LRRC4: variants seen among roughly 807,000 people sequenced by gnomAD.
LRRC4 encodes leucine rich repeat containing 4.
LRRC4 carries 11 observed loss-of-function variants against 37.9 expected under a neutral mutation model. The observed-to-expected ratio is 0.29, with a 90% CI of 0.18 to 0.48. The LOEUF (loss-of-function observed/expected upper bound fraction) is 0.48. Among genes scored for constraint, LRRC4 ranks in the 20% least tolerant of loss-of-function variants. The probability of loss-of-function intolerance (pLI) is 0.99; values close to 1 mark genes in which losing one functional copy is unlikely to be tolerated. For missense variants in LRRC4, 717 were observed against 842.1 expected, an observed-to-expected ratio of 0.85 and a Z score of 1.84; for synonymous variants, 404 against 346.7, an observed-to-expected ratio of 1.17 and a Z score of -1.84.
In LRRC4 at chr7:128,030,600, C is replaced by A; in HGVS notation, c.41G>T (p.Trp14Leu). 1 of 1,591,882 alleles carries A rather than the reference C, an allele frequency of 6.3e-7. No individual in the cohort carries two copies. Residue 14 changes from tryptophan to leucine, a missense_variant, in exon 2 of 2, where the codon TGG becomes TTG. This residue lies in a region of LRRC4 where 127 missense variants were observed against 134.8 expected (regional missense o/e 0.94). Transcript: ENST00000249363. ...LWQVTVHHHT[W>L]NAILLPFVYL... ...GACGAACGGGAGCAGGATGGCATTC[C>A]AGGTGTGGTGGTGCACAGTTACCTG...
At position 128,029,573 on chromosome 7, in the gene LRRC4, C is replaced by T. The variant is rs1199363389; in HGVS notation, c.1068G>A (p.Met356Ile). ...ASFQCSAPFI[M>I]DAPRDLNISE... ...AAATGTTGAGGTCTCGAGGTGCGTC[C>T]ATGATGAAGGGGGCAGAGCACTGGA... Residue 356 changes from methionine (M) to isoleucine (I), a missense_variant, in exon 2 of 2, where the codon ATG becomes ATA. By Grantham distance (10) the Met-to-Ile change is conservative. This residue lies in a region of LRRC4 where 293 missense variants were observed against 268.3 expected (regional missense o/e 1.09). Coordinates refer to ENST00000249363, the MANE Select transcript of LRRC4 (RefSeq NM_022143.5). The surrounding 1 kb of genome is among the most constrained non-coding windows in gnomAD (Gnocchi z 4.2). The T allele has an allele frequency of 1.2e-6, 2 of 1,614,004 alleles. No individual in the cohort carries two copies. The highest frequency in any genetic ancestry group is 2.2e-5 in the East Asian group (1 of 44,878).
Position 128,030,586 on chromosome 7 carries a change from G to T in LRRC4, c.55C>A (p.Leu19Ile), listed in dbSNP as rs375835397. 1 of 1,601,100 alleles carries T rather than the reference G, an allele frequency of 6.2e-7. No homozygotes were observed. The highest frequency in any genetic ancestry group is 8.5e-7 in the Non-Finnish European group (1 of 1,171,438). ...VHHHTWNAIL[L>I]PFVYLTAQVW... The stretch of plus-strand genomic sequence containing the variant: ...TGCGCCGTGAGGTAGACGAACGGGA[G>T]CAGGATGGCATTCCAGGTGTGGTGG... Residue 19 changes from leucine (L) to isoleucine (I), a missense_variant, in exon 2 of 2, where the codon CTC becomes ATC. Around this residue, in one of 5 missense-constraint regions of LRRC4, gnomAD observed 127 missense variants for 134.8 expected, o/e 0.94. Coordinates refer to ENST00000249363, the MANE Select transcript of LRRC4 (RefSeq NM_022143.5).
Position 128,028,549 on chromosome 7 carries a change from G to GT in LRRC4, c.*129dup, listed in dbSNP as rs906874993. Reference sequence around the variant, plus strand: ...TTGTCTTTAAATTTTAATATAATCTGTTTTTTTTAACCAGCCCATAGACTT... The same window carrying GT: ...TTGTCTTTAAATTTTAATATAATCTGTTTTTTTTTAACCAGCCCATAGACTT... On this transcript the variant is annotated 3_prime_UTR_variant, in exon 2 of 2. Transcript: ENST00000249363. 112 of 831,394 alleles carry GT rather than the reference G, an allele frequency of 1.3e-4. No individual in the cohort carries two copies. Among genetic ancestry groups the GT allele is most frequent in the South Asian group, 2.0e-4 (8 of 40,810 alleles). The allele number at this position is 831,394 out of a possible 1,614,324, so 51.5% of individuals were successfully genotyped here.
Position 128,029,328 on chromosome 7 carries a change from T to G in LRRC4, c.1313A>C (p.Tyr438Ser). 3.7e-6 allele frequency: 6 copies of G among 1,614,116 alleles called. No homozygotes were observed. The highest frequency in any genetic ancestry group is 5.1e-6 in the Non-Finnish European group (6 of 1,180,012). The change falls in exon 2 of 2, where the codon TAC (tyrosine) becomes TCC (serine). Residue 438 changes from tyrosine (Y) to serine (S), a missense_variant. Physicochemically the swap from Tyr to Ser is moderately radical, Grantham distance 144. This residue lies in a region of LRRC4 where 293 missense variants were observed against 268.3 expected (regional missense o/e 1.09). Coordinates refer to ENST00000249363, the MANE Select transcript of LRRC4 (RefSeq NM_022143.5). The surrounding 1 kb of genome is among the most constrained non-coding windows in gnomAD (Gnocchi z 4.2). ...NVAGNSNASA[Y>S]LNVSTAELNT... ...AAGCTCAGCCGTGCTCACATTGAGG[T>G]AGGCCGAGGCGTTGGAGTTGCCTGC...
rs769187264 is a variant in LRRC4, at chr7:128,030,295, C to G, written c.346G>C (p.Val116Leu). Residue 116 changes from valine to leucine, a missense_variant, in exon 2 of 2, where the codon GTG (valine) becomes CTG (leucine). Transcript: ENST00000249363. ...LGRNSIRQIEVGAFNGLASLN... is the reference protein window; with the variant it reads ...LGRNSIRQIELGAFNGLASLN... Reference sequence around the variant, plus strand: ...CTGGCCAGGCCGTTGAAGGCCCCCACCTCAATCTGCCGGATGGAGTTCCTG... The same window carrying G: ...CTGGCCAGGCCGTTGAAGGCCCCCAGCTCAATCTGCCGGATGGAGTTCCTG... 6.2e-7 allele frequency: 1 copy of G among 1,614,060 alleles called. No homozygotes were observed. Among genetic ancestry groups the G allele is most frequent in the Non-Finnish European group, 8.5e-7 (1 of 1,180,030 alleles).
chr7:128,029,538 C>G lies in LRRC4; in HGVS notation c.1103G>C (p.Arg368Pro), dbSNP rs764537457. The G allele has an allele frequency of 6.2e-7, 1 of 1,614,010 alleles. No homozygotes were observed. The highest frequency in any genetic ancestry group is 8.5e-7 in the Non-Finnish European group (1 of 1,180,016). Residue 368 changes from arginine to proline, a missense_variant, in exon 2 of 2, where the codon CGG becomes CCG. Coordinates refer to ENST00000249363, the MANE Select transcript of LRRC4 (RefSeq NM_022143.5). The surrounding 1 kb of genome is among the most constrained non-coding windows in gnomAD (Gnocchi z 4.2). ...APRDLNISEG[R>P]MAELKCRTPP... ...AGTCCGACACTTAAGTTCTGCCATC[C>G]GACCCTCAGAAATGTTGAGGTCTCG...
upstream of LRRC4, chr7:128,031,739 GCGGCGGCGGCCGCAGCCCC>G (rs1344950336): frequency 1.4e-5 from 2 of 144,418 alleles, no homozygotes; most frequent in African/African-American, 5.0e-5. Flanking sequence ...GGGTCCGGCG[GCGGCGGCGGCCGCAGCCCC>G]CGGCGGCGCG....
rs766036491 is a variant in LRRC4 at position 128,029,102 on chromosome 7, G to C, written c.1539C>G (p.Asp513Glu). The change falls in exon 2 of 2, where the codon GAC becomes GAG. Residue 513 changes from aspartate to glutamate, a missense_variant. Transcript: ENST00000249363. The surrounding 1 kb of genome is among the most constrained non-coding windows in gnomAD (Gnocchi z 4.2). ...QVAVPATDTT[D>E]KMQTSLDEVM... ...CTTCATCCAGGCTGGTCTGCATCTT[G>C]TCAGTGGTGTCTGTCGCGGGTACTG... 2 of 1,614,160 alleles carry C rather than the reference G, an allele frequency of 1.2e-6. No individual in the cohort carries two copies. Among genetic ancestry groups the C allele is most frequent in the Middle Eastern group, 1.6e-4 (1 of 6,062 alleles).
Position 128,029,926 on chromosome 7 carries a change from G to A in LRRC4, c.715C>T (p.His239Tyr). The A allele has an allele frequency of 1.2e-6, 2 of 1,613,214 alleles. No individual in the cohort carries two copies. The highest frequency in any genetic ancestry group is 1.1e-5 in the South Asian group (1 of 91,078). Reference sequence around the variant, plus strand: ...AGCTTCTTGAGGGAGCTCAGGCCATGGAAGGAGCCAGGCCTGATCTCAGGG... The same window carrying A: ...AGCTTCTTGAGGGAGCTCAGGCCATAGAAGGAGCCAGGCCTGATCTCAGGG... ...HFPEIRPGSF[H>Y]GLSSLKKLWV... Residue 239 changes from histidine (H) to tyrosine (Y), a missense_variant, in exon 2 of 2, where the codon CAT becomes TAT. This residue lies in a region of LRRC4 where 138 missense variants were observed against 261.0 expected (regional missense o/e 0.53). Coordinates refer to ENST00000249363, the MANE Select transcript of LRRC4 (RefSeq NM_022143.5). This position sits in a 1 kb window ranked among gnomAD's most constrained non-coding sequence, Gnocchi z 4.2.
In LRRC4 at chr7:128,030,419, G is replaced by A. The variant is rs200484242; in HGVS notation, c.222C>T (p.Pro74=). 6.2e-7 allele frequency: 1 copy of A among 1,613,898 alleles called. No homozygotes were observed. Among genetic ancestry groups the A allele is most frequent in the Non-Finnish European group, 8.5e-7 (1 of 1,180,028 alleles). ...RGLSEVPQGI[P]SNTRYLNLME... is the part of the protein sequence containing the mutation. The stretch of plus-strand genomic sequence containing the variant: ...TGAGGTTGAGGTACCGGGTGTTCGA[G>A]GGAATACCCTGCGGGACCTCGGAGA... The change falls in exon 2 of 2, where the codon CCC becomes CCT. Residue 74 remains proline (P), a synonymous_variant. Transcript: ENST00000249363.
chr7:128,028,759 G>C lies in LRRC4; in HGVS notation c.1882C>G (p.His628Asp), dbSNP rs775497533. The C allele has an allele frequency of 2.5e-6, 4 of 1,613,912 alleles. No homozygotes were observed. The South Asian group carries it at 4.4e-5, about 18-fold the overall frequency. The change falls in exon 2 of 2, where the codon CAC (histidine) becomes GAC (aspartate). Residue 628 changes from histidine (H) to aspartate (D), a missense_variant. Around this residue, in one of 5 missense-constraint regions of LRRC4, gnomAD observed 140 missense variants for 137.2 expected, o/e 1.02. Transcript: ENST00000249363. ...WTENSLGNSL[H>D]PTVTTISEPY... ...TCAGAGATAGTGGTGACTGTGGGGT[G>C]CAGAGAGTTCCCCAGGCTGTTTTCT...
chr7:128,030,447 C>T lies in LRRC4; in HGVS notation c.194G>A (p.Gly65Asp). The T allele has an allele frequency of 6.2e-7, 1 of 1,613,642 alleles. No homozygotes were observed. The highest frequency in any genetic ancestry group is 8.5e-7 in the Non-Finnish European group (1 of 1,180,008). ...QFSKVVCTRR[G>D]LSEVPQGIPS... ...AATACCCTGCGGGACCTCGGAGAGG[C>T]CCCGGCGCGTGCACACCACCTTGCT... Residue 65 changes from glycine (G) to aspartate (D), a missense_variant, in exon 2 of 2, where the codon GGC (glycine) becomes GAC (aspartate). Transcript: ENST00000249363.
chr7:128,028,836 T>G lies in LRRC4; in HGVS notation c.1805A>C (p.His602Pro). 1 of 1,614,178 alleles carries G rather than the reference T, an allele frequency of 6.2e-7. No individual in the cohort carries two copies. The highest frequency in any genetic ancestry group is 8.5e-7 in the Non-Finnish European group (1 of 1,180,026). ...GEGAVVLPTI[H>P]DHINYNTYKP... ...GTAGGTGTTGTAGTTAATATGGTCA[T>G]GAATTGTGGGCAGCACTACTGCCCC... Residue 602 changes from histidine to proline, a missense_variant, in exon 2 of 2, where the codon CAT becomes CCT. His to Pro is a moderately conservative substitution (Grantham distance 77). Coordinates refer to ENST00000249363, the MANE Select transcript of LRRC4 (RefSeq NM_022143.5).
Position 128,029,905 on chromosome 7 carries a change from T to G in LRRC4, c.736A>C (p.Lys246Gln). 6.2e-7 allele frequency: 1 copy of G among 1,613,202 alleles called. No homozygotes were observed. The highest frequency in any genetic ancestry group is 8.5e-7 in the Non-Finnish European group (1 of 1,180,020). The change falls in exon 2 of 2, where the codon AAG becomes CAG. Residue 246 changes from lysine to glutamine, a missense_variant. Physicochemically the swap from Lys to Gln is moderately conservative, Grantham distance 53. Coordinates refer to ENST00000249363, the MANE Select transcript of LRRC4 (RefSeq NM_022143.5). The surrounding 1 kb of genome is among the most constrained non-coding windows in gnomAD (Gnocchi z 4.2). The part of the protein sequence containing the change: ...GSFHGLSSLK[K>Q]LWVMNSQVSL... The stretch of plus-strand genomic sequence containing the variant: ...ACCTGTGAGTTCATGACCCAGAGCT[T>G]CTTGAGGGAGCTCAGGCCATGGAAG...
At chr7:128,031,968 C>G (rs1792628531), upstream of LRRC4, 1 of 151,392 alleles carries the variant, frequency 6.6e-6, no homozygotes, top group Non-Finnish European at 1.5e-5. Flanking sequence ...TCCCCGCTGG[C>G]TAGCGGCGGC....
chr7:128,030,368 C>A lies in LRRC4; in HGVS notation c.273G>T (p.Gln91His). The A allele has an allele frequency of 6.2e-7, 1 of 1,613,924 alleles. No homozygotes were observed. Among genetic ancestry groups the A allele is most frequent in the Non-Finnish European group, 8.5e-7 (1 of 1,180,014 alleles). The change falls in exon 2 of 2, where the codon CAG (glutamine) becomes CAT (histidine). Residue 91 changes from glutamine to histidine, a missense_variant. Gln to His is a conservative substitution (Grantham distance 24, BLOSUM62 0). Coordinates refer to ENST00000249363, the MANE Select transcript of LRRC4 (RefSeq NM_022143.5). The stretch of plus-strand genomic sequence containing the variant: ...GGTGGAGGTGGCGGAAGGTGTCGGC[C>A]TGGATCATCTGGATGTTGTTCTCCA... ...NLMENNIQMI[Q>H]ADTFRHLHHL...
At position 128,030,134 on chromosome 7, in the gene LRRC4, C is replaced by G; in HGVS notation, c.507G>C (p.Arg169=). 6.2e-7 allele frequency: 1 copy of G among 1,614,160 alleles called. No homozygotes were observed. Among genetic ancestry groups the G allele is most frequent in the South Asian group, 1.1e-5 (1 of 91,086 alleles). ...IESIPSYAFN[R]VPSLMRLDLG... ...AGTCCAGGCGCATGAGGGAGGGCAC[C>G]CGGTTGAAGGCGTAAGAGGGGATGC... Residue 169 remains arginine, a synonymous_variant, in exon 2 of 2, where the codon CGG becomes CGC. Transcript: ENST00000249363.
In LRRC4 at chr7:128,029,653, G is replaced by A. The variant is rs959547651; in HGVS notation, c.988C>T (p.His330Tyr). The change falls in exon 2 of 2, where the codon CAT becomes TAT. Residue 330 changes from histidine to tyrosine, a missense_variant. By Grantham distance (83) the His-to-Tyr change is moderately conservative (BLOSUM62 2). Around this residue, in one of 5 missense-constraint regions of LRRC4, gnomAD observed 293 missense variants for 268.3 expected, o/e 1.09. Coordinates refer to ENST00000249363, the MANE Select transcript of LRRC4 (RefSeq NM_022143.5). The surrounding 1 kb of genome is among the most constrained non-coding windows in gnomAD (Gnocchi z 4.2). ...PTNSTCCGRC[H>Y]APMHMRGRYL... ...CGGCCTCGCATGTGCATGGGAGCAT[G>A]ACAGCGGCCACAGCAGGTGGAATTG... 6.2e-7 allele frequency: 1 copy of A among 1,613,902 alleles called. No homozygotes were observed. Among genetic ancestry groups the A allele is most frequent in the African/African-American group, 1.3e-5 (1 of 74,940 alleles).
rs1563093442 is a variant in LRRC4, at chr7:128,028,447, C to T, written c.*232G>A. ...AGCAAGTTAACTTGTGGCTTGTACC[C>T]CACAACGTTCCCAAGATTCCCCCCC... On this transcript the variant is annotated 3_prime_UTR_variant, in exon 2 of 2. Transcript: ENST00000249363. The T allele has an allele frequency of 1.3e-5, 6 of 453,476 alleles. No individual in the cohort carries two copies. Among genetic ancestry groups the T allele is most frequent in the Non-Finnish European group, 2.3e-5 (6 of 258,060 alleles). The allele number at this position is 453,476 out of a possible 1,614,324, so 28.1% of individuals were successfully genotyped here.
Sources: gnomAD v4.1 joint callset for allele counts on GRCh38, gnomAD v4.1.1 for gene constraint, gnomAD v4.1.1 regional missense constraint, Gnocchi (gnomAD v3.1) non-coding constraint, MANE v1.5 for transcripts, NCBI Gene and HGNC (gene_info 2026-07-23, HGNC 2026-07-21) for gene names.